Variants in TBC1D5 observed in about 807,000 individuals in gnomAD.
The protein encoded by TBC1D5 is TBC1 domain family member 5, also known as TBC1 domain family, member 5.
TBC1D5 carries 75 observed loss-of-function variants against 100.3 expected under a neutral mutation model. The ratio of observed to expected loss-of-function variants is 0.75; its 90% CI spans 0.62 to 0.91. The LOEUF is 0.91. TBC1D5 is among the 40% of genes least tolerant of loss of function. The pLI, the probability that TBC1D5 is intolerant of heterozygous loss-of-function variation, is 0.00. For missense variants in TBC1D5, 910 were observed against 942.4 expected, an observed-to-expected ratio of 0.97 and a Z score of 0.45; for synonymous variants, 323 against 325.6, an observed-to-expected ratio of 0.99 and a Z score of 0.09.
chr3:17,301,039 G>A lies in TBC1D5; in HGVS notation c.1138+6953C>T, dbSNP rs2082768499. 2.0e-5 allele frequency among the ~76,000 whole-genome samples: 3 copies of A among 147,992 alleles called. No individual in the cohort carries two copies. The Admixed American group carries it at 2.0e-4, about 10-fold the overall frequency. On this transcript the variant is annotated intron_variant, in intron 14 of 21. Transcript: ENST00000253692. ...GAGCCAGATGGCACCACTGCACTCA[G>A]TCTGTGTAACAAGAGTAAAACTCCG... is the stretch of plus-strand genomic sequence containing the variant.
rs188637860 is a variant in TBC1D5, at chr3:17,488,417, T to C, written c.97+20057A>G. Among the ~76,000 whole-genome samples the C allele has an allele frequency of 3.5e-3, 531 of 152,332 alleles. 4 individuals carry two copies. The highest frequency in any genetic ancestry group is 0.012 in the African/African-American group (503 of 41,580). ...GGCTGCTTCCAAGTTTTGGCAATTA[T>C]AAATAAAGCTGTTATAAACATTTGT... On this transcript the variant is annotated intron_variant, in intron 3 of 21. Coordinates refer to ENST00000253692, the Ensembl canonical transcript of TBC1D5.
intron 3 of TBC1D5, among the ~76,000 whole-genome samples, chr3:17,434,817 T>G (rs1162760061): frequency 6.6e-6 from 1 of 152,182 alleles, no homozygotes; most frequent in Non-Finnish European, 1.5e-5. Flanking sequence ...CCCCAGAATT[T>G]TTTTCCCCCT....
intron 4 of TBC1D5, among the ~76,000 whole-genome samples, chr3:17,425,266 A>G (rs553889396): frequency 6.6e-6 from 1 of 152,322 alleles, no homozygotes; most frequent in East Asian, 1.9e-4. Flanking sequence ...TGAGGCTAAG[A>G]CTTGTCAAAA....
At chr3:17,215,634 T>C (rs993357241) in intron 17 of TBC1D5, among the ~76,000 whole-genome samples, 1 of 152,120 alleles carries the variant, frequency 6.6e-6, no homozygotes, top group African/African-American at 2.4e-5. Context: ...CCATAGAGAC[T>C]GTATTTAAAC....
At chr3:17,638,363 T>C (rs2064173872) in intron 1 of TBC1D5, among the ~76,000 whole-genome samples, 2 of 152,016 alleles carry the variant, frequency 1.3e-5, no homozygotes, top group South Asian at 4.1e-4. Context: ...CAAAACTGCT[T>C]TTTGTCTCCA....
intron 8 of TBC1D5, among the ~76,000 whole-genome samples, chr3:17,388,309 T>C (rs868257625): frequency 6.6e-6 from 1 of 152,074 alleles, no homozygotes; most frequent in East Asian, 1.9e-4. Flanking sequence ...AAACCAAAAT[T>C]GGTAGGCAAT....
At chr3:17,439,253 T>C (rs1351041076) in intron 3 of TBC1D5, among the ~76,000 whole-genome samples, 1 of 152,158 alleles carries the variant, frequency 6.6e-6, no homozygotes. Context: ...ATATGTCCCA[T>C]TTTAGAGCCT....
chr3:17,587,793 G>A (rs544093793), intron 2 of TBC1D5, among the ~76,000 whole-genome samples: 15 of 151,650 alleles, frequency 9.9e-5, no homozygotes, highest in South Asian at 6.2e-4. Flanking sequence ...ACATTTTTTC[G>A]TGTATGGCTG....
At chr3:17,469,799 A>G (rs1366085264) in intron 3 of TBC1D5, among the ~76,000 whole-genome samples, 1 of 152,250 alleles carries the variant, frequency 6.6e-6, no homozygotes, top group Non-Finnish European at 1.5e-5. Context: ...GACATTATTC[A>G]GTTATGTGGC....
intron 2 of TBC1D5, among the ~76,000 whole-genome samples, chr3:17,552,555 T>C (rs577302878): frequency 9.1e-4 from 138 of 152,262 alleles, no homozygotes; most frequent in Non-Finnish European, 1.6e-3. Flanking sequence ...GGCACTATTC[T>C]AGGCCCTAGG....
intron 13 of TBC1D5, among the ~76,000 whole-genome samples, chr3:17,356,867 C>T (rs1022458157): frequency 2.0e-5 from 3 of 152,068 alleles, no homozygotes; most frequent in African/African-American, 7.2e-5. Context: ...GAAGGCAGAC[C>T]TTGGGAGGCA....
intron 3 of TBC1D5, among the ~76,000 whole-genome samples, chr3:17,431,280 T>C (rs187597946): frequency 2.4e-4 from 36 of 152,078 alleles, no homozygotes; most frequent in African/African-American, 7.9e-4. Flanking sequence ...ACAGTATTAA[T>C]GTAATCTTAC....
Position 17,548,319 on chromosome 3 carries a change from C to A in TBC1D5, c.-35-39714G>T, listed in dbSNP as rs575413318. On this transcript the variant is annotated intron_variant, in intron 2 of 21. Coordinates refer to ENST00000253692, the Ensembl canonical transcript of TBC1D5. ...ACAAAGCGAGACTCGGTCTCAAAAACAAACAAACAAACAAACAAAATTCAT... is the reference window on the plus strand; with the variant it reads ...ACAAAGCGAGACTCGGTCTCAAAAAAAAACAAACAAACAAACAAAATTCAT... Among the ~76,000 whole-genome samples, 355 of 152,122 alleles carry A rather than the reference C, an allele frequency of 2.3e-3. 2 individuals are homozygous for A. Among genetic ancestry groups the A allele is most frequent in the African/African-American group, 7.7e-3 (319 of 41,516 alleles).
chr3:17,194,827 C>T (rs1456126482), intron 18 of TBC1D5, among the ~76,000 whole-genome samples: 2 of 152,140 alleles, frequency 1.3e-5, no homozygotes, highest in African/African-American at 4.8e-5. Context: ...TTTTGCTTTC[C>T]TAGAAGTTGC....
chr3:17,537,836 A>C (rs1230619909), intron 2 of TBC1D5, among the ~76,000 whole-genome samples: 1 of 152,062 alleles, frequency 6.6e-6, no homozygotes, highest in African/African-American at 2.4e-5. Context: ...GCTTCTGTAA[A>C]CCCAAAAGTA....
chr3:17,667,434 A>C lies in TBC1D5; in HGVS notation c.-100-43521T>G, dbSNP rs4373093. On this transcript the variant is annotated intron_variant, in intron 1 of 21. Coordinates refer to ENST00000253692, the Ensembl canonical transcript of TBC1D5. ...TTACTTTTGTTATAAGGTAGGATTG[A>C]AGAATCCACTAAGAAAAAATTTTTT... Among the ~76,000 whole-genome samples, 10 of 152,254 alleles carry C rather than the reference A, an allele frequency of 6.6e-5. No individual in the cohort carries two copies. The South Asian group carries it at 2.1e-3, about 32-fold the overall frequency.
intron 1 of TBC1D5, among the ~76,000 whole-genome samples, chr3:17,651,657 T>A (rs974278259): frequency 6.6e-6 from 1 of 151,878 alleles, no homozygotes; most frequent in Non-Finnish European, 1.5e-5. Flanking sequence ...GAGCCAAGAT[T>A]GCGCTACTGC....
intron 13 of TBC1D5, among the ~76,000 whole-genome samples, chr3:17,361,785 G>C (rs1216730361): frequency 1.3e-5 from 2 of 151,958 alleles, no homozygotes; most frequent in Non-Finnish European, 2.9e-5. Flanking sequence ...TACTTAAAAA[G>C]AAGAAAGGTC....
chr3:17,618,607 G>A (rs1390952855), intron 2 of TBC1D5, among the ~76,000 whole-genome samples: 1 of 152,192 alleles, frequency 6.6e-6, no homozygotes, highest in African/African-American at 2.4e-5. Flanking sequence ...CCTCAGCAAT[G>A]GGGGACGCCC....
Sources: allele counts gnomAD v4.1 joint callset (sites outside exome capture counted in the v4.1 genomes callset), GRCh38; gene constraint gnomAD v4.1.1; transcripts MANE v1.5; gene names NCBI Gene and HGNC (gene_info 2026-07-23, HGNC 2026-07-21).